The following TMEM181 variants were observed in gnomAD, a reference collection of about 807,000 sequenced individuals.
TMEM181 encodes the protein transmembrane protein 181.
Under a neutral mutation model 71.9 loss-of-function variants are expected in TMEM181, and 39 were observed. That is an observed-to-expected ratio of 0.54 (90% CI 0.42 to 0.71). The LOEUF (loss-of-function observed/expected upper bound fraction) is 0.71, where lower values mean the gene tolerates loss of function less well. Ranked by LOEUF, TMEM181 falls within the 30% of genes least tolerant of loss-of-function variation. The pLI, the probability that TMEM181 is intolerant of heterozygous loss-of-function variation, is 0.00. For synonymous variants in TMEM181, 245 were observed against 228.8 expected, an observed-to-expected ratio of 1.07 and a Z score of -0.64; for missense variants, 595 against 583.0, an observed-to-expected ratio of 1.02 and a Z score of -0.21.
intron 4 of TMEM181, among the ~76,000 whole-genome samples, chr6:158,584,793 T>A (rs1783672793): frequency 6.6e-6 from 1 of 152,212 alleles, no homozygotes; most frequent in African/African-American, 2.4e-5. Flanking sequence ...TTCATATTAC[T>A]ACGTATTTGT....
At chr6:158,537,560 C>G (rs897792163) in intron 1 of TMEM181, among the ~76,000 whole-genome samples, 3 of 152,188 alleles carry the variant, frequency 2.0e-5, no homozygotes, top group African/African-American at 7.2e-5. Context: ...CTCTGCAGTT[C>G]GGAGGGGAAG....
intron 6 of TMEM181, among the ~76,000 whole-genome samples, chr6:158,593,533 G>T (rs1784226683): frequency 6.6e-6 from 1 of 152,224 alleles, no homozygotes; most frequent in Non-Finnish European, 1.5e-5. Flanking sequence ...AGAACCTCAG[G>T]TGCTGGCAAG....
intron 1 of TMEM181, among the ~76,000 whole-genome samples, chr6:158,572,738 T>A (rs1250492065): frequency 6.6e-6 from 1 of 152,170 alleles, no homozygotes; most frequent in Non-Finnish European, 1.5e-5. Context: ...GGCAGACACC[T>A]GGGAGGGCGA....
chr6:158,562,560 A>G (rs1014902752), intron 1 of TMEM181, among the ~76,000 whole-genome samples: 2 of 151,628 alleles, frequency 1.3e-5, no homozygotes, highest in Non-Finnish European at 2.9e-5. Context: ...GAAGTGTATT[A>G]ATTAGAACCA....
intron 13 of TMEM181, among the ~76,000 whole-genome samples, chr6:158,626,238 G>T (rs1183810102): frequency 6.6e-6 from 1 of 152,218 alleles, no homozygotes; most frequent in Non-Finnish European, 1.5e-5. Context: ...CCCAGGGCAG[G>T]CTCGGCCTGG....
rs1004980442 is a variant in TMEM181, at chr6:158,635,415, A to C, written c.*3527A>C. 6.6e-6 allele frequency: 1 copy of C among 152,190 alleles called. No individual in the cohort carries two copies. The highest frequency in any genetic ancestry group is 1.5e-5 in the Non-Finnish European group (1 of 68,030). The allele number at this position is 152,190 out of a possible 1,614,324, so 9.4% of individuals were successfully genotyped here. A position where few individuals can be genotyped will look rare whatever the true frequency, so the allele number is the denominator to read the frequency against. Reference sequence around the variant, plus strand: ...ACTACCTTTCTGGGAAATGTTAATAAATTTTTAATATTCACTTCTATGTGT... The same window carrying C: ...ACTACCTTTCTGGGAAATGTTAATACATTTTTAATATTCACTTCTATGTGT... On this transcript the variant is annotated 3_prime_UTR_variant, in exon 17 of 17. Coordinates refer to ENST00000684151, the MANE Select transcript of TMEM181 (RefSeq NM_001376852.1).
intron 2 of TMEM181, among the ~76,000 whole-genome samples, chr6:158,579,262 A>C (rs531381798): frequency 7.8e-6 from 1 of 128,052 alleles, no homozygotes; most frequent in East Asian, 2.0e-4. Context: ...TCCGTCTCAA[A>C]ATTAAAAAAA....
At position 158,573,207 on chromosome 6, in the gene TMEM181, C is replaced by A. The variant is rs139456756; in HGVS notation, c.9-213C>A. On this transcript the variant is annotated intron_variant, in intron 1 of 16. Transcript: ENST00000684151. The stretch of plus-strand genomic sequence containing the variant: ...CTGGTGTGTCCACGGACCCTCTAAC[C>A]CGGAACGTGCAGGAACGCGCAGCTC... Among the ~76,000 whole-genome samples the A allele has an allele frequency of 1.5e-3, 222 of 152,278 alleles. 1 individual carries two copies. The highest frequency in any genetic ancestry group is 4.6e-3 in the African/African-American group (193 of 41,558).
intron 2 of TMEM181, 146 bp downstream of exon 2, chr6:158,573,669 C>T: frequency 1.4e-6 from 1 of 690,180 alleles, no homozygotes; most frequent in Non-Finnish European, 2.5e-6. Context: ...GGATGGGGTC[C>T]CAGCCCTGCG....
At chr6:158,570,867 G>C (rs1782766384) in intron 1 of TMEM181, among the ~76,000 whole-genome samples, 1 of 151,440 alleles carries the variant, frequency 6.6e-6, no homozygotes, top group Non-Finnish European at 1.5e-5. Context: ...AAAAGGCCCT[G>C]AGCAGCTGTA....
At chr6:158,571,727 G>T (rs1462647730) in intron 1 of TMEM181, among the ~76,000 whole-genome samples, 2 of 152,258 alleles carry the variant, frequency 1.3e-5, no homozygotes, top group African/African-American at 4.8e-5. Flanking sequence ...TGCAGGGCTT[G>T]CCCAGAGGAG....
intron 15 of TMEM181, among the ~76,000 whole-genome samples, chr6:158,630,729 C>G (rs1169555738): frequency 6.7e-6 from 1 of 148,486 alleles, no homozygotes; most frequent in African/African-American, 2.5e-5. Context: ...AAAAAAAAAG[C>G]CAAAACATAC....
intron 6 of TMEM181, among the ~76,000 whole-genome samples, chr6:158,593,492 G>T (rs996905511): frequency 5.3e-5 from 8 of 152,186 alleles, no homozygotes; most frequent in Non-Finnish European, 1.0e-4. Context: ...TTTGAAGGGG[G>T]AAGTCCTGGG....
chr6:158,578,449 T>G (rs540837281), intron 2 of TMEM181, among the ~76,000 whole-genome samples: 3 of 152,366 alleles, frequency 2.0e-5, no homozygotes. Flanking sequence ...AACTTTGGTT[T>G]GTAACTCCAC....
chr6:158,598,643 AT>A (rs541583142), intron 6 of TMEM181, among the ~76,000 whole-genome samples: 31 of 145,918 alleles, frequency 2.1e-4, no homozygotes, highest in South Asian at 1.7e-3. Context: ...TTTTATTTTT[AT>A]TTTTTTATTT....
chr6:158,562,825 A>G (rs1330688473), intron 1 of TMEM181, among the ~76,000 whole-genome samples: 1 of 152,220 alleles, frequency 6.6e-6, no homozygotes, highest in Non-Finnish European at 1.5e-5. Flanking sequence ...GTGCCGTCGT[A>G]AGCACCTTAC....
intron 5 of TMEM181, among the ~76,000 whole-genome samples, chr6:158,586,567 T>G (rs1404427547): frequency 6.6e-6 from 1 of 152,222 alleles, no homozygotes; most frequent in Non-Finnish European, 1.5e-5. Context: ...ACCTGTGCCC[T>G]TTTATTCTGA....
At chr6:158,562,591 A>G (rs753879) in intron 1 of TMEM181, among the ~76,000 whole-genome samples, 93,809 of 151,822 alleles carry the variant, frequency 0.62, 29,904 homozygotes, top group African/African-American at 0.77. Context: ...GCAGCAAAGC[A>G]TGGCACAGAC....
At chr6:158,609,809 C>T (rs769708496) in intron 10 of TMEM181, 2 of 239,904 alleles carry the variant, frequency 8.3e-6, no homozygotes, top group African/African-American at 4.6e-5. Flanking sequence ...CAAGGCCAGG[C>T]CCAGGTGGGC....
Sources: allele counts gnomAD v4.1 joint callset (sites outside exome capture counted in the v4.1 genomes callset), GRCh38; gene constraint gnomAD v4.1.1; transcripts MANE v1.5; gene names NCBI Gene and HGNC (gene_info 2026-07-23, HGNC 2026-07-21).